ATP6V0A4: variants seen among roughly 807,000 people sequenced by gnomAD.
ATP6V0A4 encodes the protein V-type proton ATPase 116 kDa subunit a 4.
In ATP6V0A4, 86 loss-of-function variants were observed where a neutral mutation model predicts 107.3. The ratio of observed to expected loss-of-function variants is 0.80; its 90% confidence interval spans 0.67 to 0.96. The LOEUF is 0.96. ATP6V0A4 is among the 40% of genes least tolerant of loss of function. The pLI is 0.00. For synonymous variants in ATP6V0A4, 353 were observed against 381.4 expected (o/e 0.93, Z 0.87); for missense variants, 908 against 1,045.6 (o/e 0.87, Z 1.81).
rs1211079839 is a variant in ATP6V0A4, at chr7:138,784,214, T to TTATA, written c.-18+1940_-18+1943dup. On this transcript the variant is annotated intron_variant, in intron 2 of 21. Coordinates refer to ENST00000310018, the MANE Select transcript of ATP6V0A4 (RefSeq NM_020632.3). ...TAATCCACCTATGAATCCTTAAACA[T>TTATA]TATATATATATATATATATACGTAT... is the stretch of plus-strand genomic sequence containing the variant. Among the ~76,000 whole-genome samples, 772 of 83,530 alleles carry TTATA rather than the reference T, an allele frequency of 9.2e-3. 21 individuals are homozygous for TTATA. Among genetic ancestry groups the TTATA allele is most frequent in the African/African-American group, 0.042 (685 of 16,332 alleles). 54.8% of individuals were successfully genotyped at this position (83,530 alleles called of 152,430 possible).
Position 138,740,451 on chromosome 7 carries a change from C to T in ATP6V0A4, c.1479-818G>A, listed in dbSNP as rs576616870. On this transcript the variant is annotated intron_variant, in intron 14 of 21. Transcript: ENST00000310018. The stretch of plus-strand genomic sequence containing the variant: ...TTTTTTTTTTTTTTTTTGGAGACTG[C>T]GTTTCATTCTTGTTGCCCAGGCTAG... Among the ~76,000 whole-genome samples the T allele has an allele frequency of 4.6e-4, 61 of 133,778 alleles. 1 individual carries two copies. Among genetic ancestry groups the T allele is most frequent in the African/African-American group, 1.7e-3 (60 of 35,210 alleles). The allele number at this position is 133,778 out of a possible 152,430, so 87.8% of individuals were successfully genotyped here.
intron 21 of ATP6V0A4, among the ~76,000 whole-genome samples, chr7:138,708,975 G>A (rs1256824554): frequency 6.6e-6 from 1 of 152,162 alleles, no homozygotes. Context: ...TCAGGAGGCT[G>A]AGGCGGGTGA....
rs766656498 is a variant in ATP6V0A4 at position 138,762,915 on chromosome 7, G to T, written c.402C>A (p.Thr134=). The T allele has an allele frequency of 6.2e-7, 1 of 1,614,066 alleles. No homozygotes were observed. The highest frequency in any genetic ancestry group is 1.1e-5 in the South Asian group (1 of 91,078). ...LTELKYLLKK[T]QDFFETETNL... ...ACGTGACCACCTCAAAGAAGTCTTG[G>T]GTTTTCTTCAGGAGGTATTTCAGTT... The change falls in exon 6 of 22, where the codon ACC becomes ACA. Residue 134 remains threonine (T), a synonymous_variant. Coordinates refer to ENST00000310018, the MANE Select transcript of ATP6V0A4 (RefSeq NM_020632.3).
At chr7:138,761,120 C>T (rs553190465) in intron 7 of ATP6V0A4, among the ~76,000 whole-genome samples, 7 of 152,212 alleles carry the variant, frequency 4.6e-5, no homozygotes, top group African/African-American at 1.2e-4. Context: ...ACCCCCATTT[C>T]TAATTACATT....
At position 138,798,138 on chromosome 7, in the gene ATP6V0A4, C is replaced by T. The variant is rs753254556; in HGVS notation, c.-225G>A. 13 of 1,602,082 alleles carry T rather than the reference C, an allele frequency of 8.1e-6. No homozygotes were observed. The highest frequency in any genetic ancestry group is 1.0e-5 in the Non-Finnish European group (12 of 1,175,016). On this transcript the variant is annotated 5_prime_UTR_variant, in exon 1 of 22. Coordinates refer to ENST00000310018, the MANE Select transcript of ATP6V0A4 (RefSeq NM_020632.3). The stretch of plus-strand genomic sequence containing the variant: ...CCTCCCCGCTGCCACCCGGGCCACC[C>T]TGATCCTCAGCCTGGCCTTTGCCTC...
chr7:138,769,255 TG>T lies in ATP6V0A4; in HGVS notation c.118-5del. The T allele has an allele frequency of 2.5e-6, 4 of 1,611,006 alleles. No individual in the cohort carries two copies. ...AGCTGTTCACATTCATATTTAACTATGGGGGCGAAAATCACAAGATACATGT... is the reference window on the plus strand; with the variant it reads ...AGCTGTTCACATTCATATTTAACTATGGGGCGAAAATCACAAGATACATGT... On this transcript the variant is annotated splice_region_variant and splice_polypyrimidine_tract_variant and intron_variant, in intron 3 of 21. Coordinates refer to ENST00000310018, the MANE Select transcript of ATP6V0A4 (RefSeq NM_020632.3).
chr7:138,786,774 A>C (rs1488452052), intron 1 of ATP6V0A4, among the ~76,000 whole-genome samples: 1 of 152,102 alleles, frequency 6.6e-6, no homozygotes, highest in Non-Finnish European at 1.5e-5. Context: ...GATTACAGGC[A>C]TGAGCCACCA....
In ATP6V0A4 at chr7:138,759,743, G is replaced by A. The variant is rs1806700017; in HGVS notation, c.639+9C>T. ...CTCAGAGAAAGTTTTTGCAGCCCAA[G>A]GTTCCCACCGTCACAGGATCCTCCA... On this transcript the variant is annotated intron_variant, in intron 8 of 21. Coordinates refer to ENST00000310018, the MANE Select transcript of ATP6V0A4 (RefSeq NM_020632.3). 2.5e-6 allele frequency: 4 copies of A among 1,614,120 alleles called. No individual in the cohort carries two copies. The highest frequency in any genetic ancestry group is 3.4e-6 in the Non-Finnish European group (4 of 1,180,034).
At chr7:138,717,118 G>A (rs1309556243) in intron 19 of ATP6V0A4, among the ~76,000 whole-genome samples, 2 of 152,190 alleles carry the variant, frequency 1.3e-5, no homozygotes, top group African/African-American at 4.8e-5. Flanking sequence ...CACATGCTGA[G>A]TTTCAGATGG....
chr7:138,777,828 A>G (rs77035654), intron 2 of ATP6V0A4, among the ~76,000 whole-genome samples: 5,786 of 152,266 alleles, frequency 0.038, 380 homozygotes, highest in African/African-American at 0.13. Flanking sequence ...GATGCAAGAA[A>G]CAACACAGAG....
intron 3 of ATP6V0A4, 56 bp from the exon 4 acceptor site, chr7:138,769,307 T>G: frequency 6.4e-7 from 1 of 1,551,514 alleles, no homozygotes; most frequent in East Asian, 2.3e-5. Context: ...CCAATAGATT[T>G]CTTTCTTTTT....
Position 138,713,366 on chromosome 7 carries a change from G to A in ATP6V0A4, c.2257+2398C>T, listed in dbSNP as rs115214461. Among the ~76,000 whole-genome samples, 183 of 151,992 alleles carry A rather than the reference G, an allele frequency of 1.2e-3. 2 individuals carry two copies. Among genetic ancestry groups the A allele is most frequent in the African/African-American group, 4.2e-3 (174 of 41,468 alleles). The stretch of plus-strand genomic sequence containing the variant: ...TGAGTGTGTGCATCAGCGTTCATGT[G>A]CATGTGAAAGTGTGTGTATGTGAGT... On this transcript the variant is annotated intron_variant, in intron 20 of 21. Transcript: ENST00000310018.
Position 138,771,173 on chromosome 7 carries a change from A to C in ATP6V0A4, c.75T>G (p.Cys25Trp). 3.1e-6 allele frequency: 5 copies of C among 1,614,190 alleles called. No homozygotes were observed. The highest frequency in any genetic ancestry group is 4.2e-6 in the Non-Finnish European group (5 of 1,180,042). The change falls in exon 3 of 22, where the codon TGT becomes TGG. Residue 25 changes from cysteine (C) to tryptophan (W), a missense_variant. Physicochemically the swap from Cys to Trp is radical, Grantham distance 215. Transcript: ENST00000310018. ...LFLQVEAAYC[C>W]VAELGELGLV... ...ATCCGAGCTCTCCGAGCTCAGCCAC[A>C]CAGCAATATGCAGCTTCCACCTGGA... is the stretch of plus-strand genomic sequence containing the variant.
intron 11 of ATP6V0A4, 27 bp from the exon 12 acceptor site, chr7:138,749,344 G>GT: frequency 6.2e-7 from 1 of 1,602,946 alleles, no homozygotes; most frequent in East Asian, 2.2e-5. Flanking sequence ...AAGCGACAAA[G>GT]ATGTAAGGAG....
intron 8 of ATP6V0A4, among the ~76,000 whole-genome samples, chr7:138,759,278 C>A (rs1191887366): frequency 1.3e-5 from 2 of 151,330 alleles, no homozygotes; most frequent in Admixed American, 6.6e-5. Context: ...TGGTCTCAAT[C>A]CCCTGACCTC....
At chr7:138,743,455 C>A in intron 14 of ATP6V0A4, among the ~76,000 whole-genome samples, 1 of 88,860 alleles carries the variant, frequency 1.1e-5, no homozygotes, top group Admixed American at 1.5e-4. Context: ...AAGACTCCAT[C>A]TCAAAAAAAA....
chr7:138,751,710 C>T (rs1288068839), intron 11 of ATP6V0A4, among the ~76,000 whole-genome samples: 2 of 151,982 alleles, frequency 1.3e-5, no homozygotes, highest in East Asian at 1.9e-4. Flanking sequence ...GAGAACTCAA[C>T]GAGGACAGAG....
Position 138,768,853 on chromosome 7 carries a change from T to C in ATP6V0A4, c.218A>G (p.Gln73Arg), listed in dbSNP as rs1302537397. The C allele has an allele frequency of 6.2e-7, 1 of 1,614,226 alleles. No individual in the cohort carries two copies. The highest frequency in any genetic ancestry group is 8.5e-7 in the Non-Finnish European group (1 of 1,180,040). Residue 73 changes from glutamine to arginine, a missense_variant, in exon 5 of 22, where the codon CAA (glutamine) becomes CGA (arginine). By Grantham distance (43) the Gln-to-Arg change is conservative. Coordinates refer to ENST00000310018, the MANE Select transcript of ATP6V0A4 (RefSeq NM_020632.3). ...GAGCAACTGAACTACAATCTCATTTTGCATCTCGTCTTCCAGAAAACCTGA... is the reference window on the plus strand; with the variant it reads ...GAGCAACTGAACTACAATCTCATTTCGCATCTCGTCTTCCAGAAAACCTGA... ...RILRFLEDEM[Q>R]NEIVVQLLEK...
chr7:138,797,073 CT>C (rs1413425831), intron 1 of ATP6V0A4, among the ~76,000 whole-genome samples: 2 of 152,290 alleles, frequency 1.3e-5, no homozygotes, highest in African/African-American at 4.8e-5. Context: ...CTGGGTGCTG[CT>C]GGTACAGCCA....
Sources: allele counts gnomAD v4.1 joint callset (sites outside exome capture counted in the v4.1 genomes callset), GRCh38; gene constraint gnomAD v4.1.1; transcripts MANE v1.5; gene names NCBI Gene and HGNC (gene_info 2026-07-23, HGNC 2026-07-21).